The following ARHGEF38 variants were observed in gnomAD, a reference collection of about 807,000 sequenced individuals.
ARHGEF38 encodes Rho guanine nucleotide exchange factor (GEF) 38.
ARHGEF38 carries 79 observed loss-of-function variants against 79.9 expected under a neutral mutation model. The ratio of observed to expected loss-of-function variants is 0.99; its 90% confidence interval spans 0.82 to 1.19. The LOEUF (loss-of-function observed/expected upper bound fraction) is 1.19. ARHGEF38 is among the 50% of genes most tolerant of loss of function. The pLI, the probability that ARHGEF38 is intolerant of heterozygous loss-of-function variation, is 0.00. For missense variants in ARHGEF38, 962 were observed against 907.2 expected, an observed-to-expected ratio of 1.06 and a Z score of -0.78; for synonymous variants, 366 against 328.3, an observed-to-expected ratio of 1.11 and a Z score of -1.24.
intron 1 of ARHGEF38, among the ~76,000 whole-genome samples, chr4:105,554,837 C>A (rs17035753): frequency 0.72 from 109,896 of 151,822 alleles, 41,214 homozygotes; most frequent in Non-Finnish European, 0.84. Flanking sequence ...CAATATTAAT[C>A]GAAGTTTGTA....
downstream of ARHGEF38, among the ~76,000 whole-genome samples, chr4:105,681,829 T>C (rs1731321457): frequency 6.6e-6 from 1 of 152,230 alleles, no homozygotes; most frequent in African/African-American, 2.4e-5. Flanking sequence ...GAGCTTATTG[T>C]ATACAAAGTT....
intron 1 of ARHGEF38, among the ~76,000 whole-genome samples, chr4:105,566,092 T>C (rs1725872095): frequency 6.6e-6 from 1 of 152,158 alleles, no homozygotes; most frequent in East Asian, 1.9e-4. Flanking sequence ...TAAGAGAATC[T>C]AATCATGTCC....
intron 3 of ARHGEF38, among the ~76,000 whole-genome samples, chr4:105,624,780 G>A (rs1409036891): frequency 6.6e-6 from 1 of 152,208 alleles, no homozygotes; most frequent in Non-Finnish European, 1.5e-5. Context: ...CATCCAAGGA[G>A]GATAAGAAGA....
At chr4:105,637,302 A>T (rs748646411) in intron 5 of ARHGEF38, among the ~76,000 whole-genome samples, 3 of 152,154 alleles carry the variant, frequency 2.0e-5, no homozygotes, top group Non-Finnish European at 4.4e-5. Context: ...TGAAGGAGTC[A>T]GGCATCATAC....
intron 1 of ARHGEF38, among the ~76,000 whole-genome samples, chr4:105,578,935 T>A (rs1232012649): frequency 6.6e-6 from 1 of 152,204 alleles, no homozygotes; most frequent in Non-Finnish European, 1.5e-5. Flanking sequence ...GTTTCATTTA[T>A]CATGTCATTG....
chr4:105,625,571 G>A (rs1431011799), intron 3 of ARHGEF38, among the ~76,000 whole-genome samples: 1 of 152,164 alleles, frequency 6.6e-6, no homozygotes, highest in Admixed American at 6.5e-5. Flanking sequence ...GGTATTAATA[G>A]TATCCAAATC....
chr4:105,587,987 T>C (rs1727139867), intron 1 of ARHGEF38, among the ~76,000 whole-genome samples: 1 of 152,216 alleles, frequency 6.6e-6, no homozygotes. Flanking sequence ...ATATTGAGTC[T>C]CTGCCTTAAA....
intron 1 of ARHGEF38, among the ~76,000 whole-genome samples, chr4:105,586,367 G>A (rs1268016565): frequency 6.6e-6 from 1 of 151,998 alleles, no homozygotes; most frequent in Non-Finnish European, 1.5e-5. Flanking sequence ...TAAATTCTCT[G>A]AGAGATTTTT....
chr4:105,592,439 T>C (rs1727383558), intron 2 of ARHGEF38, among the ~76,000 whole-genome samples: 1 of 152,092 alleles, frequency 6.6e-6, no homozygotes, highest in African/African-American at 2.4e-5. Flanking sequence ...ACCTCCAAAC[T>C]ATGGACATTA....
chr4:105,662,697 C>T (rs968554697), intron 10 of ARHGEF38, among the ~76,000 whole-genome samples: 6 of 152,052 alleles, frequency 3.9e-5, no homozygotes, highest in Admixed American at 2.6e-4. Context: ...ATTTAATTTG[C>T]AAATTATTTC....
At chr4:105,653,706 A>G (rs1730206493) in intron 7 of ARHGEF38, among the ~76,000 whole-genome samples, 1 of 152,248 alleles carries the variant, frequency 6.6e-6, no homozygotes, top group South Asian at 2.1e-4. Flanking sequence ...CAATAGATCA[A>G]ATGTGGCTAT....
At chr4:105,621,108 G>T (rs1048391302) in intron 3 of ARHGEF38, among the ~76,000 whole-genome samples, 1 of 152,202 alleles carries the variant, frequency 6.6e-6, no homozygotes, top group Non-Finnish European at 1.5e-5. Flanking sequence ...CACTAGATTT[G>T]TGAAATTAGT....
At chr4:105,637,541 C>A (rs979926119) in intron 5 of ARHGEF38, among the ~76,000 whole-genome samples, 3 of 152,156 alleles carry the variant, frequency 2.0e-5, no homozygotes, top group Admixed American at 1.3e-4. Context: ...CTCCTGGCTT[C>A]TCTTCAAAGA....
At chr4:105,605,803 C>G (rs1008014820) in intron 2 of ARHGEF38, among the ~76,000 whole-genome samples, 1 of 152,070 alleles carries the variant, frequency 6.6e-6, no homozygotes, top group Non-Finnish European at 1.5e-5. Context: ...CTGCCAACAT[C>G]CTTTTTTTCC....
intron 2 of ARHGEF38, among the ~76,000 whole-genome samples, chr4:105,606,571 A>G (rs1338764107): frequency 1.3e-5 from 2 of 152,154 alleles, no homozygotes; most frequent in Admixed American, 6.6e-5. Flanking sequence ...TAGCTCAGTG[A>G]TAATCATGAG....
chr4:105,681,614 A>G (rs1731313214), downstream of ARHGEF38, among the ~76,000 whole-genome samples: 1 of 152,182 alleles, frequency 6.6e-6, no homozygotes, highest in African/African-American at 2.4e-5. Flanking sequence ...TGCAAGTAAG[A>G]CAACAACGCA....
chr4:105,613,345 A>T (rs1016854169), intron 2 of ARHGEF38, 39 bp from the exon 3 acceptor site: 3 of 1,601,660 alleles, frequency 1.9e-6, no homozygotes, highest in Non-Finnish European at 2.6e-6. Context: ...TCCTAAATAC[A>T]GTGCTTCTCC....
chr4:105,589,810 T>C (rs1319457237), intron 2 of ARHGEF38, among the ~76,000 whole-genome samples: 1 of 151,946 alleles, frequency 6.6e-6, no homozygotes, highest in African/African-American at 2.4e-5. Flanking sequence ...GGTGGGAGGA[T>C]CACCTGAGGT....
At chr4:105,582,239 A>G (rs1726831915) in intron 1 of ARHGEF38, among the ~76,000 whole-genome samples, 1 of 148,194 alleles carries the variant, frequency 6.7e-6, no homozygotes, top group Non-Finnish European at 1.5e-5. Flanking sequence ...TTGAGTTTCT[A>G]TTCAATTTCA....
Sources: gnomAD v4.1 joint callset for allele counts (sites outside exome capture counted in the v4.1 genomes callset) on GRCh38, gnomAD v4.1.1 for gene constraint, MANE v1.5 for transcripts, NCBI Gene and HGNC (gene_info 2026-07-23, HGNC 2026-07-21) for gene names.